Variants in PCDH15 observed in about 807,000 individuals in gnomAD.
PCDH15 encodes protocadherin-15.
In PCDH15, 129 loss-of-function variants were observed where a neutral mutation model predicts 178.5. That is an observed-to-expected ratio of 0.72 (90% CI 0.63 to 0.84). The LOEUF is 0.84. PCDH15 is among the 40% of genes least tolerant of loss of function. PCDH15 has a pLI of 0.00. For synonymous variants in PCDH15, 800 were observed against 732.0 expected (o/e 1.09, Z -1.50); for missense variants, 2,230 against 2,099.9 (o/e 1.06, Z -1.21).
intron 3 of PCDH15, among the ~76,000 whole-genome samples, chr10:54,493,937 G>A (rs2079855921): frequency 6.6e-6 from 1 of 151,914 alleles, no homozygotes; most frequent in Non-Finnish European, 1.5e-5. Context: ...TCCTTTGTAG[G>A]GACATGGATG....
At chr10:55,548,612 G>C (rs1841940542) in intron 2 of PCDH15, among the ~76,000 whole-genome samples, 1 of 152,176 alleles carries the variant, frequency 6.6e-6, no homozygotes. Context: ...ATAAAGCTGA[G>C]TGTCAGCTGG....
In PCDH15 at chr10:55,052,096, T is replaced by G. The variant is rs554595328; in HGVS notation, c.-80+114480A>C. On this transcript the variant is annotated intron_variant, in intron 2 of 5. Transcript: ENST00000458638. The stretch of plus-strand genomic sequence containing the variant: ...TATCAAAATAATCGATACGATTTTT[T>G]TTTTTTTTTGAGACAGACTCTCGCT... Among the ~76,000 whole-genome samples the G allele has an allele frequency of 9.9e-5, 15 of 151,992 alleles. No homozygotes were observed. In the East Asian group the frequency reaches 2.9e-3, roughly 30 times the overall value.
intron 3 of PCDH15, among the ~76,000 whole-genome samples, chr10:54,522,613 C>A (rs1477970217): frequency 6.6e-6 from 1 of 152,168 alleles, no homozygotes; most frequent in Admixed American, 6.5e-5. Context: ...CGTTTTTACT[C>A]CCTGTCTCTA....
intron 2 of PCDH15, among the ~76,000 whole-genome samples, chr10:55,010,969 C>T (rs1840033409): frequency 6.6e-6 from 1 of 152,026 alleles, no homozygotes; most frequent in Admixed American, 6.6e-5. Flanking sequence ...AAGATTAATA[C>T]TTTCAACCCT....
At chr10:53,951,521 A>G (rs1428012779) in intron 23 of PCDH15, among the ~76,000 whole-genome samples, 3 of 152,228 alleles carry the variant, frequency 2.0e-5, no homozygotes. Context: ...TATCATTGTT[A>G]TATCTTTGTC....
At chr10:55,077,398 T>TTCCTTCCTTCCTTC (rs1841923561) in intron 2 of PCDH15, among the ~76,000 whole-genome samples, 3 of 137,592 alleles carry the variant, frequency 2.2e-5, no homozygotes, top group African/African-American at 8.7e-5. Flanking sequence ...TGGTTTTCTC[T>TTCCTTCCTTCCTTC]CTTCCTTCCT....
chr10:54,790,134 C>A (rs988094204), intron 1 of PCDH15, among the ~76,000 whole-genome samples: 5 of 151,762 alleles, frequency 3.3e-5, no homozygotes, highest in African/African-American at 1.2e-4. Context: ...ATTTTATTTT[C>A]TGAAGAAATT....
chr10:55,382,393 G>A (rs1181419177), intron 2 of PCDH15, among the ~76,000 whole-genome samples: 1 of 152,136 alleles, frequency 6.6e-6, no homozygotes, highest in East Asian at 1.9e-4. Context: ...GAAATTAGAT[G>A]AAGGAGACTG....
At chr10:53,932,095 C>T (rs549694813) in intron 25 of PCDH15, among the ~76,000 whole-genome samples, 106 of 152,288 alleles carry the variant, frequency 7.0e-4, no homozygotes, top group African/African-American at 2.5e-3. Flanking sequence ...CAGACATGGT[C>T]AATGAGAGCA....
chr10:54,024,164 G>A (rs2093012607), intron 18 of PCDH15, among the ~76,000 whole-genome samples: 1 of 152,060 alleles, frequency 6.6e-6, no homozygotes, highest in African/African-American at 2.4e-5. Context: ...TTCATCGAAT[G>A]AAATGTAATA....
intron 11 of PCDH15, among the ~76,000 whole-genome samples, chr10:54,189,683 G>A (rs1481901397): frequency 1.3e-5 from 2 of 151,948 alleles, no homozygotes; most frequent in Admixed American, 1.3e-4. Context: ...CTTTTTACAA[G>A]CCAAATGAGT....
intron 28 of PCDH15, among the ~76,000 whole-genome samples, chr10:53,848,426 A>G (rs570379798): frequency 1.2e-3 from 180 of 152,202 alleles, no homozygotes; most frequent in African/African-American, 4.0e-3. Context: ...TGGTACAAGC[A>G]AAAGATCTTA....
intron 5 of PCDH15, among the ~76,000 whole-genome samples, chr10:54,366,235 ACTTTATTATAC>A (rs1946774514): frequency 6.6e-6 from 1 of 152,102 alleles, no homozygotes; most frequent in East Asian, 1.9e-4. Context: ...TGTGATAATG[ACTTTATTATAC>A]CTGTCTTTTG....
intron 2 of PCDH15, among the ~76,000 whole-genome samples, chr10:55,448,407 T>C (rs1839363665): frequency 6.6e-6 from 1 of 152,008 alleles, no homozygotes; most frequent in East Asian, 1.9e-4. Context: ...TATTTGTTCT[T>C]CCATATCCTG....
intron 3 of PCDH15, among the ~76,000 whole-genome samples, chr10:54,872,537 A>AT (rs5785097): frequency 0.023 from 3,570 of 152,148 alleles, 53 homozygotes; most frequent in Non-Finnish European, 0.038. Context: ...CTCTCCATAT[A>AT]TTTGCTCAGG....
chr10:55,510,757 G>T (rs939100231), intron 2 of PCDH15, among the ~76,000 whole-genome samples: 1 of 151,150 alleles, frequency 6.6e-6, no homozygotes, highest in African/African-American at 2.4e-5. Context: ...CACTGATTTA[G>T]GTTTTTGATT....
chr10:54,051,372 G>T (rs914768910), intron 18 of PCDH15, among the ~76,000 whole-genome samples: 1 of 152,188 alleles, frequency 6.6e-6, no homozygotes, highest in Admixed American at 6.5e-5. Context: ...ACTCTCTAGA[G>T]ACTTGTTGAA....
At chr10:54,019,400 CTG>C (rs1233005172) in intron 20 of PCDH15, among the ~76,000 whole-genome samples, 1 of 152,054 alleles carries the variant, frequency 6.6e-6, no homozygotes, top group Non-Finnish European at 1.5e-5. Flanking sequence ...TAAGAAACAT[CTG>C]TGTACTTTTC....
intron 1 of PCDH15, among the ~76,000 whole-genome samples, chr10:55,220,231 T>C (rs1213212381): frequency 6.6e-6 from 1 of 151,932 alleles, no homozygotes; most frequent in Non-Finnish European, 1.5e-5. Context: ...ACCAGCAAAC[T>C]CTCCCTGATC....
Sources: allele counts gnomAD v4.1 joint callset (sites outside exome capture counted in the v4.1 genomes callset), GRCh38; gene constraint gnomAD v4.1.1; transcripts MANE v1.5; gene names NCBI Gene and HGNC (gene_info 2026-07-23, HGNC 2026-07-21).